Variants in ATP8A2 observed in about 807,000 individuals in gnomAD.
ATP8A2 encodes the protein ATPase phospholipid transporting 8A2, also known as phospholipid-transporting ATPase IB.
Under a neutral mutation model 165.6 loss-of-function variants are expected in ATP8A2, and 100 were observed. The ratio of observed to expected loss-of-function variants is 0.60; its 90% CI spans 0.51 to 0.71. The LOEUF (loss-of-function observed/expected upper bound fraction) is 0.71. ATP8A2 is among the 30% of genes least tolerant of loss of function. The pLI is 0.00. For synonymous variants in ATP8A2, 543 were observed against 548.8 expected, an observed-to-expected ratio of 0.99 and a Z score of 0.15; for missense variants, 1,227 against 1,479.5, an observed-to-expected ratio of 0.83 and a Z score of 2.80.
chr13:25,743,519 G>A (rs1444023417), intron 25 of ATP8A2, among the ~76,000 whole-genome samples: 4 of 152,194 alleles, frequency 2.6e-5, no homozygotes, highest in Admixed American at 6.5e-5. Flanking sequence ...CGAGGAAATC[G>A]TGAGAATTGT....
chr13:25,641,408 C>T (rs955430586), intron 24 of ATP8A2, among the ~76,000 whole-genome samples: 13 of 152,296 alleles, frequency 8.5e-5, no homozygotes, highest in African/African-American at 3.1e-4. Flanking sequence ...TCAGCAAAGT[C>T]TCAGGATACA....
intron 33 of ATP8A2, chr13:25,944,522 C>G (rs1186668438): frequency 6.6e-6 from 1 of 151,686 alleles, no homozygotes; most frequent in Non-Finnish European, 1.5e-5. Flanking sequence ...GAATACAGGC[C>G]TGTAGAAGGA....
chr13:25,571,507 C>T, intron 17 of ATP8A2, 103 bp from the exon 18 acceptor site: 1 of 784,018 alleles, frequency 1.3e-6, no homozygotes, highest in Non-Finnish European at 2.2e-6. Flanking sequence ...TAACACCAGG[C>T]CTCCTTCAGT....
chr13:25,836,988 C>T (rs563536187), intron 28 of ATP8A2, among the ~76,000 whole-genome samples, 175 bp from the exon 29 acceptor site: 8 of 152,208 alleles, frequency 5.3e-5, no homozygotes, highest in African/African-American at 1.9e-4. Flanking sequence ...TAGTGATTAA[C>T]GTAAAAATGG....
intron 23 of ATP8A2, among the ~76,000 whole-genome samples, chr13:25,588,546 C>G (rs114491411): frequency 6.6e-6 from 1 of 152,212 alleles, no homozygotes; most frequent in Admixed American, 6.5e-5. Flanking sequence ...ACTCCTCCCC[C>G]TGGCTGTAGG....
At chr13:25,419,594 A>C (rs758846810) in intron 1 of ATP8A2, among the ~76,000 whole-genome samples, 3 of 152,224 alleles carry the variant, frequency 2.0e-5, no homozygotes, top group Admixed American at 2.0e-4. Context: ...AAGAAGTGCC[A>C]TGATGCAAAC....
chr13:25,670,259 G>C (rs2042237129), intron 24 of ATP8A2, among the ~76,000 whole-genome samples: 1 of 152,172 alleles, frequency 6.6e-6, no homozygotes, highest in African/African-American at 2.4e-5. Flanking sequence ...CCTTCTGAAG[G>C]AAGATAGTCC....
intron 25 of ATP8A2, among the ~76,000 whole-genome samples, chr13:25,743,120 C>A (rs1811576321): frequency 6.6e-6 from 1 of 151,816 alleles, no homozygotes; most frequent in South Asian, 2.1e-4. Context: ...TCTTAATACA[C>A]CTTTATAAGG....
Position 25,466,513 on chromosome 13 carries a change from A to G in ATP8A2, c.77-2464A>G, listed in dbSNP as rs535054329. Among the ~76,000 whole-genome samples the G allele has an allele frequency of 1.2e-4, 18 of 152,354 alleles. 1 individual carries two copies. The South Asian group carries it at 3.5e-3, about 30-fold the overall frequency. On this transcript the variant is annotated intron_variant, in intron 1 of 36. Coordinates refer to ENST00000381655, the MANE Select transcript of ATP8A2 (RefSeq NM_016529.6). ...CACTCTTAGTCACACACTGGTAAGT[A>G]ACCATGGTTACACCTTTATGCCTTA...
At chr13:25,775,933 C>T (rs1033959) in intron 27 of ATP8A2, among the ~76,000 whole-genome samples, 26,644 of 152,102 alleles carry the variant, frequency 0.18, 2,497 homozygotes, top group Middle Eastern at 0.22. Flanking sequence ...CTTCTTTACC[C>T]GGTTGTCTAA....
chr13:25,931,988 C>A (rs1483600452), intron 33 of ATP8A2, among the ~76,000 whole-genome samples: 1 of 149,616 alleles, frequency 6.7e-6, no homozygotes, highest in Non-Finnish European at 1.5e-5. Context: ...GTGTAGGTTG[C>A]AGCAAGCCGA....
intron 15 of ATP8A2, 120 bp downstream of exon 15, chr13:25,559,885 T>G (rs2039090401): frequency 1.4e-6 from 1 of 733,756 alleles, no homozygotes; most frequent in Non-Finnish European, 2.3e-6. Context: ...TGGAGTGCAG[T>G]GATACTGTCA....
At chr13:25,570,647 T>TA in intron 16 of ATP8A2, 120 bp from the exon 17 acceptor site, 1 of 781,452 alleles carries the variant, frequency 1.3e-6, no homozygotes, top group Non-Finnish European at 2.2e-6. Context: ...ATTAAGGACC[T>TA]CTACCCTGTC....
At chr13:25,874,565 T>C (rs964268854) in intron 33 of ATP8A2, among the ~76,000 whole-genome samples, 1 of 151,920 alleles carries the variant, frequency 6.6e-6, no homozygotes, top group Non-Finnish European at 1.5e-5. Context: ...AAACAGAAAA[T>C]AAGTAGTTGG....
rs776285165 is a variant in ATP8A2, at chr13:25,382,034, A to G, written c.76+9746A>G. ...GGCATGTATCCCCCAATGTGGTATCATACAGAAGAGTTTCACTGCCCTAAA... is the reference window on the plus strand; with the variant it reads ...GGCATGTATCCCCCAATGTGGTATCGTACAGAAGAGTTTCACTGCCCTAAA... On this transcript the variant is annotated intron_variant, in intron 1 of 36. Transcript: ENST00000381655. Among the ~76,000 whole-genome samples, 85 of 152,320 alleles carry G rather than the reference A, an allele frequency of 5.6e-4. No individual in the cohort carries two copies. The Middle Eastern group carries it at 0.01, about 18-fold the overall frequency.
At chr13:25,637,199 G>A (rs2041392929) in intron 24 of ATP8A2, among the ~76,000 whole-genome samples, 1 of 150,942 alleles carries the variant, frequency 6.6e-6, no homozygotes, top group Non-Finnish European at 1.5e-5. Context: ...GAAGATGGGT[G>A]ATATCTGCAT....
chr13:25,756,619 C>T (rs1184602951), intron 25 of ATP8A2, among the ~76,000 whole-genome samples: 4 of 152,122 alleles, frequency 2.6e-5, no homozygotes, highest in Non-Finnish European at 4.4e-5. Flanking sequence ...AGGTTGTGAC[C>T]TCGGGCATAC....
At chr13:25,666,797 C>G (rs969764369) in intron 24 of ATP8A2, among the ~76,000 whole-genome samples, 2 of 152,134 alleles carry the variant, frequency 1.3e-5, no homozygotes, top group African/African-American at 4.8e-5. Flanking sequence ...GGATTTGCAA[C>G]TGAATTAAGG....
chr13:25,714,175 C>T (rs1268045374), intron 25 of ATP8A2, among the ~76,000 whole-genome samples: 1 of 152,004 alleles, frequency 6.6e-6, no homozygotes, highest in Non-Finnish European at 1.5e-5. Flanking sequence ...AGGAAGAAAA[C>T]CTTCTGGTGA....
Sources: gnomAD v4.1 joint callset for allele counts (sites outside exome capture counted in the v4.1 genomes callset) on GRCh38, gnomAD v4.1.1 for gene constraint, MANE v1.5 for transcripts, NCBI Gene and HGNC (gene_info 2026-07-23, HGNC 2026-07-21) for gene names.